The following PBX1 variants were observed in gnomAD, a reference collection of about 807,000 sequenced individuals.
PBX1 encodes PBX homeobox 1, also known as pre-B-cell leukemia transcription factor 1.
A neutral mutation model predicts 53.4 loss-of-function variants in PBX1; 6 were observed. The observed-to-expected ratio is 0.11, with a 90% CI of 0.06 to 0.22. The LOEUF is 0.22. Ranked by LOEUF, PBX1 falls within the 10% of genes least tolerant of loss-of-function variation. The pLI, the probability that PBX1 is intolerant of heterozygous loss-of-function variation, is 1.00. For synonymous variants in PBX1, 204 were observed against 212.3 expected (o/e 0.96, Z 0.34); for missense variants, 251 against 551.4 (o/e 0.46, Z 5.46).
intron 2 of PBX1, among the ~76,000 whole-genome samples, chr1:164,630,102 A>G (rs778360124): frequency 6.6e-6 from 1 of 152,202 alleles, no homozygotes; most frequent in East Asian, 1.9e-4. Context: ...AAGTCATTAG[A>G]AAACCTAATG....
At chr1:164,671,392 T>C (rs1251562714) in intron 2 of PBX1, among the ~76,000 whole-genome samples, 1 of 152,216 alleles carries the variant, frequency 6.6e-6, no homozygotes, top group African/African-American at 2.4e-5. Context: ...GTGGAATTTT[T>C]CTTTTAAATG....
chr1:164,692,510 C>G (rs1417603894), intron 2 of PBX1, among the ~76,000 whole-genome samples: 3 of 152,134 alleles, frequency 2.0e-5, no homozygotes, highest in Non-Finnish European at 4.4e-5. Flanking sequence ...CCACCACTCC[C>G]TCCCCTCCTG....
At chr1:164,856,692 A>G (rs1233812299), downstream of PBX1, among the ~76,000 whole-genome samples, 3 of 152,110 alleles carry the variant, frequency 2.0e-5, no homozygotes, top group African/African-American at 7.2e-5. Flanking sequence ...CTGTTTCTCT[A>G]TACATATAAC....
intron 2 of PBX1, among the ~76,000 whole-genome samples, chr1:164,771,884 G>A (rs938138719): frequency 1.3e-5 from 2 of 152,172 alleles, no homozygotes; most frequent in Admixed American, 1.3e-4. Flanking sequence ...GTCTGAGATC[G>A]AGATTGGGCC....
At chr1:164,706,519 A>G (rs923694699) in intron 2 of PBX1, among the ~76,000 whole-genome samples, 8 of 152,194 alleles carry the variant, frequency 5.3e-5, no homozygotes, top group South Asian at 2.1e-4. Flanking sequence ...TTTTTAAACT[A>G]CTAATGTCCA....
intron 2 of PBX1, among the ~76,000 whole-genome samples, chr1:164,582,461 TC>T (rs1183324424): frequency 6.6e-6 from 1 of 151,774 alleles, no homozygotes; most frequent in Non-Finnish European, 1.5e-5. Context: ...TCGCTCTTGT[TC>T]CCCAGGCTGG....
intron 2 of PBX1, among the ~76,000 whole-genome samples, chr1:164,673,971 T>G (rs935008282): frequency 6.6e-6 from 1 of 152,142 alleles, no homozygotes; most frequent in African/African-American, 2.4e-5. Context: ...ATATCGCTGC[T>G]TACACATTGG....
At chr1:164,824,743 C>T (rs561711355) in intron 8 of PBX1, among the ~76,000 whole-genome samples, 25 of 152,258 alleles carry the variant, frequency 1.6e-4, no homozygotes, top group African/African-American at 5.8e-4. Flanking sequence ...ATGGGCAATA[C>T]TTACTAAGCT....
intron 2 of PBX1, among the ~76,000 whole-genome samples, chr1:164,618,580 C>T (rs1657457480): frequency 6.6e-6 from 1 of 152,190 alleles, no homozygotes; most frequent in South Asian, 2.1e-4. Flanking sequence ...CTCTATTTCT[C>T]AGTAATATTT....
In PBX1 at chr1:164,851,181, G is replaced by A. The variant is rs1042999528; in HGVS notation, c.*4505G>A. 4.7e-6 allele frequency: 1 copy of A among 214,796 alleles called. No homozygotes were observed. Among genetic ancestry groups the A allele is most frequent in the Non-Finnish European group, 9.4e-6 (1 of 106,574 alleles). The allele number at this position is 214,796 out of a possible 1,614,324, so 13.3% of individuals were successfully genotyped here. A position where few individuals can be genotyped will look rare whatever the true frequency, so the allele number is the denominator to read the frequency against. On this transcript the variant is annotated 3_prime_UTR_variant, in exon 9 of 9. Transcript: ENST00000420696. ...GCTGCTTAAAGCAAATTGCAAAACT[G>A]GCTTGATTTGGAATGTTTTTATTAG... is the stretch of plus-strand genomic sequence containing the variant.
chr1:164,622,496 A>AC (rs1481777401), intron 2 of PBX1, among the ~76,000 whole-genome samples: 9 of 152,266 alleles, frequency 5.9e-5, no homozygotes, highest in African/African-American at 2.2e-4. Flanking sequence ...TCAGCCTGTG[A>AC]CCAAGGTATA....
At chr1:164,883,119 T>G (rs1672700560) in intron 2 of PBX1, among the ~76,000 whole-genome samples, 1 of 152,212 alleles carries the variant, frequency 6.6e-6, no homozygotes, top group Admixed American at 6.5e-5. Flanking sequence ...GAATCTATTC[T>G]AAAAGACTTT....
chr1:164,664,665 A>C (rs989811321), intron 2 of PBX1, among the ~76,000 whole-genome samples: 18 of 152,186 alleles, frequency 1.2e-4, no homozygotes, highest in African/African-American at 4.1e-4. Context: ...AGACCGGACA[A>C]ATTCCAAAGG....
chr1:164,646,681 A>G (rs1434392420), intron 2 of PBX1, among the ~76,000 whole-genome samples: 1 of 152,194 alleles, frequency 6.6e-6, no homozygotes, highest in Non-Finnish European at 1.5e-5. Context: ...GCTCGTTGAG[A>G]GGAGAGAGTT....
downstream of PBX1, among the ~76,000 whole-genome samples, chr1:164,853,790 A>G (rs1671915011): frequency 6.6e-6 from 1 of 152,160 alleles, no homozygotes; most frequent in African/African-American, 2.4e-5. Flanking sequence ...GTCATCTTAA[A>G]GAGTATGGTA....
At chr1:164,750,104 C>T (rs11585314) in intron 2 of PBX1, among the ~76,000 whole-genome samples, 14,247 of 143,788 alleles carry the variant, frequency 0.099, 1,100 homozygotes, top group African/African-American at 0.21. Flanking sequence ...CTCCAAAAAT[C>T]GGAAGAAAAA....
At chr1:164,599,071 A>T (rs370079801) in intron 2 of PBX1, among the ~76,000 whole-genome samples, 64 of 118,808 alleles carry the variant, frequency 5.4e-4, no homozygotes, top group Middle Eastern at 0.011. Flanking sequence ...TTTCCTCCTG[A>T]TTTTTTTTTT....
intron 2 of PBX1, among the ~76,000 whole-genome samples, chr1:164,626,613 C>G (rs942564963): frequency 6.6e-6 from 1 of 152,182 alleles, no homozygotes; most frequent in African/African-American, 2.4e-5. Flanking sequence ...ATCTTTTCTG[C>G]TTTACTATTT....
At chr1:164,758,538 G>A (rs932969441) in intron 2 of PBX1, among the ~76,000 whole-genome samples, 1 of 152,130 alleles carries the variant, frequency 6.6e-6, no homozygotes, top group Non-Finnish European at 1.5e-5. Context: ...GGTGACTTCC[G>A]GGTTCATGCT....
Sources: allele counts gnomAD v4.1 joint callset (sites outside exome capture counted in the v4.1 genomes callset), GRCh38; gene constraint gnomAD v4.1.1; transcripts MANE v1.5; gene names NCBI Gene and HGNC (gene_info 2026-07-23, HGNC 2026-07-21).